BTG4: variants seen among roughly 807,000 people sequenced by gnomAD.
The protein encoded by BTG4 is BTG anti-proliferation factor 4, also known as protein BTG4.
A neutral mutation model predicts 19.3 loss-of-function variants in BTG4; 10 were observed. That is an observed-to-expected ratio of 0.52 (90% CI 0.32 to 0.88). The LOEUF is 0.88. Among genes scored for constraint, BTG4 ranks in the 40% least tolerant of loss-of-function variants. The pLI, the probability that BTG4 is intolerant of heterozygous loss-of-function variation, is 0.04. For synonymous variants in BTG4, 91 were observed against 95.7 expected, an observed-to-expected ratio of 0.95 and a Z score of 0.29; for missense variants, 238 against 281.9, an observed-to-expected ratio of 0.84 and a Z score of 1.11.
At chr11:111,430,053 C>T in the BTG4 span, among the ~76,000 whole-genome samples, 4 of 152,126 alleles carry the variant, frequency 2.6e-5, no homozygotes, top group Non-Finnish European at 5.9e-5. Flanking sequence ...TAATAGTAAA[C>T]GCTTATGGTG....
the BTG4 span, among the ~76,000 whole-genome samples, chr11:111,410,626 A>C: frequency 8.5e-5 from 13 of 152,280 alleles, no homozygotes; most frequent in East Asian, 2.5e-3. Flanking sequence ...GGTCAAGGCC[A>C]CCTCACCTCA....
chr11:111,391,618 A>G, the BTG4 span, among the ~76,000 whole-genome samples: 1 of 151,736 alleles, frequency 6.6e-6, no homozygotes, highest in Non-Finnish European at 1.5e-5. Context: ...ATTGTGTTCC[A>G]TCTCTCTGGT....
At position 111,498,019 on chromosome 11, in the gene BTG4, T is replaced by C; in HGVS notation, c.290A>G (p.Asp97Gly). The C allele has an allele frequency of 1.9e-6, 3 of 1,614,094 alleles. No individual in the cohort carries two copies. Among genetic ancestry groups the C allele is most frequent in the Non-Finnish European group, 2.5e-6 (3 of 1,179,964 alleles). Residue 97 changes from aspartate to glycine, a missense_variant, in exon 3 of 5, where the codon GAT (aspartate) becomes GGT (glycine). Coordinates refer to ENST00000692032, the MANE Select transcript of BTG4 (RefSeq NM_001367975.1). ...TCACCTACAGCATACTTCAAAGGGA[T>C]CTACCCATATGGTCATCTCCTTCGG... is the stretch of plus-strand genomic sequence containing the variant. ...GLPKEMTIWV[D>G]PFEVCCRYGE...
At chr11:111,497,116 T>A (rs747392176) in intron 4 of BTG4, 95 bp downstream of exon 4, 12 of 1,258,940 alleles carry the variant, frequency 9.5e-6, no homozygotes, top group Non-Finnish European at 1.3e-5. Context: ...TTTTGTTCTT[T>A]CCATGTTTTT....
the BTG4 span, among the ~76,000 whole-genome samples, chr11:111,415,300 CCTT>C: frequency 2.0e-5 from 3 of 152,228 alleles, no homozygotes; most frequent in Non-Finnish European, 4.4e-5. Flanking sequence ...AGCTGCTTCT[CCTT>C]CATTCCTCTA....
At chr11:111,435,747 C>G in the BTG4 span, among the ~76,000 whole-genome samples, 3 of 152,276 alleles carry the variant, frequency 2.0e-5, no homozygotes, top group African/African-American at 7.2e-5. Flanking sequence ...AGCCCTCAAC[C>G]CCCCAGGGTG....
the BTG4 span, chr11:111,397,952 A>G: frequency 6.6e-6 from 1 of 152,064 alleles, no homozygotes; most frequent in Non-Finnish European, 1.5e-5. Context: ...ATTCAGTGTA[A>G]TTTCTCTTAA....
the BTG4 span, chr11:111,460,486 T>C: frequency 6.6e-6 from 1 of 152,122 alleles, no homozygotes; most frequent in Non-Finnish European, 1.5e-5. Flanking sequence ...GACAACTAGA[T>C]AGGGCTCCCA....
chr11:111,443,279 G>A, the BTG4 span, among the ~76,000 whole-genome samples: 33,877 of 152,188 alleles, frequency 0.22, 4,001 homozygotes, highest in Admixed American at 0.29. Context: ...TCAACTGAGA[G>A]TAGGCAAAGC....
At chr11:111,394,468 CT>C in the BTG4 span, among the ~76,000 whole-genome samples, 2 of 152,218 alleles carry the variant, frequency 1.3e-5, no homozygotes, top group African/African-American at 4.8e-5. Flanking sequence ...CTCATTCTCT[CT>C]TGTCTGCCGT....
At chr11:111,404,774 T>G in the BTG4 span, 1 of 416,786 alleles carries the variant, frequency 2.4e-6, no homozygotes, top group Non-Finnish European at 4.8e-6. Flanking sequence ...AACTTGGAGC[T>G]TTGATATAAA....
chr11:111,466,140 T>C (rs1355824448), downstream of BTG4, among the ~76,000 whole-genome samples: 1 of 152,188 alleles, frequency 6.6e-6, no homozygotes, highest in Non-Finnish European at 1.5e-5. Context: ...AATTACTTTT[T>C]AATAGATGAG....
At chr11:111,401,261 C>T in the BTG4 span, among the ~76,000 whole-genome samples, 2 of 151,968 alleles carry the variant, frequency 1.3e-5, no homozygotes, top group East Asian at 1.9e-4. Flanking sequence ...CCAAGGCGGG[C>T]GGATCACGAG....
At chr11:111,399,217 T>A in the BTG4 span, 325 of 152,342 alleles carry the variant, frequency 2.1e-3, 1 homozygote, top group African/African-American at 7.6e-3. Context: ...CTCTGCTTCC[T>A]GTAGGATCCC....
At chr11:111,481,495 C>G (rs1430929516) in intron 5 of BTG4, among the ~76,000 whole-genome samples, 1 of 151,616 alleles carries the variant, frequency 6.6e-6, no homozygotes, top group Non-Finnish European at 1.5e-5. Flanking sequence ...TAGTATTACT[C>G]TGATAACAAA....
the BTG4 span, among the ~76,000 whole-genome samples, chr11:111,394,960 C>A: frequency 6.6e-6 from 1 of 152,242 alleles, no homozygotes; most frequent in Non-Finnish European, 1.5e-5. Flanking sequence ...TCCTCTCCCC[C>A]TCAGAAGCCA....
chr11:111,499,000 T>C (rs987443432), intron 1 of BTG4, among the ~76,000 whole-genome samples, 198 bp from the exon 2 acceptor site: 2 of 151,830 alleles, frequency 1.3e-5, no homozygotes, highest in South Asian at 2.1e-4. Context: ...ATTCCTCAAA[T>C]AGCCCAGTTT....
the BTG4 span, among the ~76,000 whole-genome samples, chr11:111,448,029 CCTCT>C: frequency 1.3e-5 from 2 of 152,182 alleles, no homozygotes; most frequent in East Asian, 3.9e-4. Flanking sequence ...TCTATGCCTA[CCTCT>C]CTCTCTGCCA....
the BTG4 span, among the ~76,000 whole-genome samples, chr11:111,424,938 A>G: frequency 6.6e-6 from 1 of 152,134 alleles, no homozygotes; most frequent in Admixed American, 6.5e-5. Flanking sequence ...AAAGATTAAT[A>G]AAAACAAGCC....
Sources: gnomAD v4.1 joint callset for allele counts (sites outside exome capture counted in the v4.1 genomes callset) on GRCh38, gnomAD v4.1.1 for gene constraint, MANE v1.5 for transcripts, NCBI Gene and HGNC (gene_info 2026-07-23, HGNC 2026-07-21) for gene names.